The following UROS variants were observed in gnomAD, a reference collection of about 807,000 sequenced individuals.
UROS encodes uroporphyrinogen-III synthase.
A neutral mutation model predicts 33.0 loss-of-function variants in UROS; 18 were observed. The ratio of observed to expected loss-of-function variants is 0.55; its 90% CI spans 0.38 to 0.81. The LOEUF (loss-of-function observed/expected upper bound fraction) is 0.81. Ranked by LOEUF, UROS falls within the 30% of genes least tolerant of loss-of-function variation. UROS has a pLI of 0.00. For synonymous variants in UROS, 114 were observed against 121.1 expected (o/e 0.94, Z 0.38); for missense variants, 293 against 314.9 (o/e 0.93, Z 0.53).
At chr10:125,795,054 A>G (rs761364208) in intron 8 of UROS, 76 bp from the exon 9 acceptor site, 235 of 1,422,044 alleles carry the variant, frequency 1.7e-4, no homozygotes, top group Non-Finnish European at 2.2e-4. Flanking sequence ...CTTCATCCGC[A>G]TCAAGACCTC....
At chr10:125,808,603 C>G (rs920356120) in intron 5 of UROS, among the ~76,000 whole-genome samples, 3 of 152,168 alleles carry the variant, frequency 2.0e-5, no homozygotes, top group African/African-American at 7.2e-5. Flanking sequence ...GCATTTTTCC[C>G]AAGTAATGAA....
chr10:125,810,170 C>T (rs755836321), intron 5 of UROS, among the ~76,000 whole-genome samples: 12 of 152,182 alleles, frequency 7.9e-5, no homozygotes, highest in Non-Finnish European at 1.8e-4. Flanking sequence ...ATCCATGCCC[C>T]TGTGTCATCC....
rs945715760 is a variant in UROS at position 125,794,792 on chromosome 10, C to T, written c.660+88G>A. The T allele has an allele frequency of 3.8e-6, 5 of 1,302,890 alleles. No homozygotes were observed. The African/African-American group carries it at 4.5e-5, about 12-fold the overall frequency. The allele number at this position is 1,302,890 out of a possible 1,614,324, so 80.7% of individuals were successfully genotyped here. The stretch of plus-strand genomic sequence containing the variant: ...CACCTGCTAGGCCAGGGGTGTCTCA[C>T]TTGACATTGAAGCCCTAGGATAATT... On this transcript the variant is annotated intron_variant, in intron 9 of 9. Coordinates refer to ENST00000368797, the MANE Select transcript of UROS (RefSeq NM_000375.3).
intron 6 of UROS, among the ~76,000 whole-genome samples, chr10:125,805,646 T>C (rs907328079): frequency 2.0e-5 from 3 of 152,244 alleles, no homozygotes; most frequent in African/African-American, 7.2e-5. Context: ...TTGTATTTAA[T>C]TTCAATTAAT....
Position 125,816,527 on chromosome 10 carries a change from T to C in UROS, c.-26-2A>G. On this transcript the variant is annotated splice_acceptor_variant, in intron 1 of 9. Coordinates refer to ENST00000368797, the MANE Select transcript of UROS (RefSeq NM_000375.3). LOFTEE classifies it low-confidence loss of function (5UTR_SPLICE). ...TTGCCTGGCAGTCCTTATAGGGCAC[T>C]GCGACAGAGCAAGGAAACAGATCTT... 6.2e-7 allele frequency: 1 copy of C among 1,614,174 alleles called. No homozygotes were observed. Among genetic ancestry groups the C allele is most frequent in the Non-Finnish European group, 8.5e-7 (1 of 1,180,022 alleles).
chr10:125,812,252 T>G lies in UROS; in HGVS notation c.281A>C (p.Lys94Thr). The G allele has an allele frequency of 6.2e-7, 1 of 1,613,964 alleles. No individual in the cohort carries two copies. The highest frequency in any genetic ancestry group is 8.5e-7 in the Non-Finnish European group (1 of 1,179,960). Residue 94 changes from lysine to threonine, a missense_variant, in exon 5 of 10, where the codon AAG becomes ACG. Transcript: ENST00000368797. ...AGCATTTCCAACCACATACACTGAC[T>G]TGGCATTCCATTTTTCTTTCAGAGA... ...ERSLKEKWNAKSVYVVGNATA... is the reference protein window; with the variant it reads ...ERSLKEKWNATSVYVVGNATA...
At chr10:125,805,678 C>T (rs756204927) in intron 6 of UROS, among the ~76,000 whole-genome samples, 14 of 151,994 alleles carry the variant, frequency 9.2e-5, no homozygotes, top group Non-Finnish European at 1.5e-4. Flanking sequence ...TTTAAATAGC[C>T]GTATGTGGCT....
intron 9 of UROS, chr10:125,789,390 G>A (rs1441938587): frequency 2.2e-5 from 26 of 1,157,940 alleles, no homozygotes; most frequent in Admixed American, 1.6e-4. Context: ...TGGTGTGGCA[G>A]GGGCAGTGAC....
intron 6 of UROS, 141 bp downstream of exon 6, chr10:125,807,272 C>G (rs1200577766): frequency 2.7e-6 from 2 of 750,172 alleles, no homozygotes; most frequent in Admixed American, 2.1e-5. Flanking sequence ...ATAGGCTATG[C>G]TCCCAGAGTG....
At chr10:125,802,262 G>T in intron 6 of UROS, 2 of 985,620 alleles carry the variant, frequency 2.0e-6, no homozygotes, top group Non-Finnish European at 2.4e-6. Flanking sequence ...GCGATCCCAT[G>T]GGGCTGGGGC....
chr10:125,786,509 C>T (rs1850636825), downstream of UROS, among the ~76,000 whole-genome samples: 1 of 152,008 alleles, frequency 6.6e-6, no homozygotes, highest in Admixed American at 6.5e-5. Flanking sequence ...CCTGATCCGC[C>T]CGCCTCAGCC....
intron 6 of UROS, among the ~76,000 whole-genome samples, chr10:125,800,270 C>A (rs1851723105): frequency 6.6e-6 from 1 of 152,224 alleles, no homozygotes. Flanking sequence ...CCAGATGAAA[C>A]CAGCGACCCA....
chr10:125,814,303 C>T lies in UROS; in HGVS notation c.244+731G>A, dbSNP rs527345821. 9.8e-5 allele frequency among the ~76,000 whole-genome samples: 15 copies of T among 152,292 alleles called. No individual in the cohort carries two copies. In the South Asian group the frequency reaches 2.5e-3, roughly 25 times the overall value. ...AAAGCCCTTGCATAACCACTCTGCC[C>T]GCTGCCTCCGCTCATCAGTGTAACT... On this transcript the variant is annotated intron_variant, in intron 4 of 9. Transcript: ENST00000368797.
chr10:125,801,096 G>C (rs1281249416), intron 6 of UROS, among the ~76,000 whole-genome samples: 5 of 152,180 alleles, frequency 3.3e-5, no homozygotes, highest in Non-Finnish European at 7.3e-5. Context: ...CCCCCTCTCG[G>C]GCACTGCCAT....
At chr10:125,801,348 G>A (rs1309688809) in intron 6 of UROS, among the ~76,000 whole-genome samples, 1 of 152,146 alleles carries the variant, frequency 6.6e-6, no homozygotes, top group Non-Finnish European at 1.5e-5. Flanking sequence ...TCCCATTAGA[G>A]GAGATATCTG....
At chr10:125,802,529 C>T (rs1312199327) in intron 6 of UROS, 1 of 994,714 alleles carries the variant, frequency 1.0e-6, no homozygotes, top group East Asian at 1.1e-4. Flanking sequence ...GGCTTCTCCA[C>T]ACTGGTGCAT....
At chr10:125,796,599 C>A (rs771869085) in intron 7 of UROS, among the ~76,000 whole-genome samples, 1 of 152,204 alleles carries the variant, frequency 6.6e-6, no homozygotes, top group Admixed American at 6.5e-5. Context: ...GAGTCCAGAT[C>A]CCCGGCTGCA....
chr10:125,815,858 G>A (rs1450517043), intron 3 of UROS, among the ~76,000 whole-genome samples: 1 of 152,180 alleles, frequency 6.6e-6, no homozygotes, highest in Non-Finnish European at 1.5e-5. Context: ...TGCAGAAGTT[G>A]GGGGTGAGGG....
downstream of UROS, among the ~76,000 whole-genome samples, chr10:125,787,673 C>T (rs921060444): frequency 1.6e-4 from 25 of 152,132 alleles, no homozygotes; most frequent in African/African-American, 4.1e-4. Flanking sequence ...ATGGTGAAAA[C>T]GTGTATGAAA....
Sources: allele counts gnomAD v4.1 joint callset (sites outside exome capture counted in the v4.1 genomes callset), GRCh38; gene constraint gnomAD v4.1.1; transcripts MANE v1.5; gene names NCBI Gene and HGNC (gene_info 2026-07-23, HGNC 2026-07-21).